MEGF10: variants seen among roughly 807,000 people sequenced by gnomAD.
The protein encoded by MEGF10 is multiple EGF like domains 10.
A neutral mutation model predicts 147.5 loss-of-function variants in MEGF10; 86 were observed. That is an observed-to-expected ratio of 0.58 (90% CI 0.49 to 0.70). The LOEUF (loss-of-function observed/expected upper bound fraction) is 0.70, where lower values mean the gene tolerates loss of function less well. MEGF10 is among the 30% of genes least tolerant of loss of function. The pLI, the probability that MEGF10 is intolerant of heterozygous loss-of-function variation, is 0.00. For synonymous variants in MEGF10, 478 were observed against 525.5 expected (o/e 0.91, Z 1.24); for missense variants, 1,329 against 1,487.3 (o/e 0.89, Z 1.75).
At chr5:127,252,827 G>A in the MEGF10 span, among the ~76,000 whole-genome samples, 7 of 151,882 alleles carry the variant, frequency 4.6e-5, no homozygotes, top group African/African-American at 1.7e-4. Flanking sequence ...AAGACCAGGA[G>A]GCAGGTTGTT....
chr5:127,363,911 A>G (rs1762564345), intron 4 of MEGF10, among the ~76,000 whole-genome samples: 1 of 152,146 alleles, frequency 6.6e-6, no homozygotes, highest in South Asian at 2.1e-4. Flanking sequence ...CCTTGACCCC[A>G]AGTAAAACGT....
Position 127,433,344 on chromosome 5 carries a change from C to T in MEGF10, c.1694-19C>T, listed in dbSNP as rs1210681765. Reference sequence around the variant, plus strand: ...CGCACTGCCTCTCACTCAGCCTTGCCCCATGTGCATTATTTCAGGTGTCCA... The same window carrying T: ...CGCACTGCCTCTCACTCAGCCTTGCTCCATGTGCATTATTTCAGGTGTCCA... On this transcript the variant is annotated intron_variant, in intron 13 of 24. Transcript: ENST00000503335. 1.9e-6 allele frequency: 3 copies of T among 1,614,170 alleles called. No homozygotes were observed. The highest frequency in any genetic ancestry group is 1.7e-6 in the Non-Finnish European group (2 of 1,180,034).
At chr5:127,336,861 T>C (rs1266487907) in intron 2 of MEGF10, among the ~76,000 whole-genome samples, 1 of 152,030 alleles carries the variant, frequency 6.6e-6, no homozygotes, top group African/African-American at 2.4e-5. Flanking sequence ...ATTTTGCTCA[T>C]AGGTGATGTA....
At chr5:127,298,312 G>GT (rs1759602243) in intron 1 of MEGF10, among the ~76,000 whole-genome samples, 1 of 152,070 alleles carries the variant, frequency 6.6e-6, no homozygotes, top group African/African-American at 2.4e-5. Flanking sequence ...AGCCCTCATC[G>GT]TTCTCACCTG....
intron 5 of MEGF10, among the ~76,000 whole-genome samples, chr5:127,392,900 G>A (rs1311271200): frequency 6.6e-6 from 1 of 152,150 alleles, no homozygotes. Context: ...CTCTCATTAA[G>A]CCATTCCATG....
At chr5:127,374,269 A>G (rs893650060) in intron 5 of MEGF10, among the ~76,000 whole-genome samples, 2 of 152,374 alleles carry the variant, frequency 1.3e-5, no homozygotes, top group East Asian at 3.9e-4. Flanking sequence ...CTCTGAGTGC[A>G]CTGGAAGTAG....
intron 2 of MEGF10, among the ~76,000 whole-genome samples, chr5:127,333,566 T>C (rs1224007980): frequency 6.6e-6 from 1 of 151,924 alleles, no homozygotes; most frequent in Non-Finnish European, 1.5e-5. Flanking sequence ...ATTTCAAGGC[T>C]TCAAATAATC....
chr5:127,276,789 A>G, the MEGF10 span, among the ~76,000 whole-genome samples: 4 of 152,210 alleles, frequency 2.6e-5, no homozygotes, highest in Non-Finnish European at 5.9e-5. Flanking sequence ...AACATAATGA[A>G]TAAGTAAATT....
At chr5:127,290,636 C>CG (rs1759203135), upstream of MEGF10, among the ~76,000 whole-genome samples, 1 of 152,190 alleles carries the variant, frequency 6.6e-6, no homozygotes, top group East Asian at 1.9e-4. Context: ...GCAGTCAGGC[C>CG]GGGAAGATCC....
the MEGF10 span, among the ~76,000 whole-genome samples, chr5:127,280,526 C>T: frequency 3.9e-5 from 6 of 152,220 alleles, no homozygotes; most frequent in Non-Finnish European, 7.3e-5. Context: ...GTGTTTCTCC[C>T]TGTCTGAAGT....
intron 4 of MEGF10, 87 bp from the exon 5 acceptor site, chr5:127,369,823 C>A: frequency 9.9e-7 from 1 of 1,015,174 alleles, no homozygotes; most frequent in Non-Finnish European, 1.5e-6. Context: ...TTAAGTGATA[C>A]TTGAGACTTG....
chr5:127,366,427 T>A (rs1247333036), intron 4 of MEGF10, among the ~76,000 whole-genome samples: 2 of 152,210 alleles, frequency 1.3e-5, no homozygotes, highest in African/African-American at 4.8e-5. Context: ...TTTGTGTTCT[T>A]TCCTTTTAGA....
chr5:127,443,051 A>T lies in MEGF10; in HGVS notation c.2416A>T (p.Asn806Tyr). 3 of 1,613,856 alleles carry T rather than the reference A, an allele frequency of 1.9e-6. No individual in the cohort carries two copies. Among genetic ancestry groups the T allele is most frequent in the Non-Finnish European group, 2.5e-6 (3 of 1,179,774 alleles). ...YGCRQICDCL[N>Y]NSTCDHITGT... is the part of the protein sequence containing the mutation. ...CTGTCGCCAGATATGTGATTGTCTG[A>T]ACAACTCCACCTGCGACCACATCAC... Residue 806 changes from asparagine to tyrosine, a missense_variant, in exon 19 of 25, where the codon AAC becomes TAC. Asn to Tyr is a moderately radical substitution (Grantham distance 143). This residue lies in a region of MEGF10 where 980 missense variants were observed against 1,085.9 expected (regional missense o/e 0.90). Coordinates refer to ENST00000503335, the MANE Select transcript of MEGF10 (RefSeq NM_001256545.2).
rs148168408 is a variant in MEGF10, at chr5:127,355,832, G to GATCA, written c.320-14077_320-14074dup. Among the ~76,000 whole-genome samples, 974 of 151,962 alleles carry GATCA rather than the reference G, an allele frequency of 6.4e-3. 12 individuals carry two copies. Among genetic ancestry groups the GATCA allele is most frequent in the African/African-American group, 0.023 (937 of 41,370 alleles). On this transcript the variant is annotated intron_variant, in intron 4 of 24. Coordinates refer to ENST00000503335, the MANE Select transcript of MEGF10 (RefSeq NM_001256545.2). The stretch of plus-strand genomic sequence containing the variant: ...GATAGCCTCAATCTAAACAGAAGGA[G>GATCA]ATCATATCTGCTGCCTATTTTTTTT...
At chr5:127,331,903 A>G (rs902939143) in intron 2 of MEGF10, among the ~76,000 whole-genome samples, 9 of 152,090 alleles carry the variant, frequency 5.9e-5, no homozygotes, top group Admixed American at 1.3e-4. Flanking sequence ...GCATAGAGGT[A>G]GTGTCCCCTG....
At chr5:127,255,266 G>A in the MEGF10 span, among the ~76,000 whole-genome samples, 4 of 152,228 alleles carry the variant, frequency 2.6e-5, no homozygotes, top group East Asian at 7.7e-4. Flanking sequence ...AGGGGCAATT[G>A]AGGAAGTCAC....
At chr5:127,271,827 T>C in the MEGF10 span, among the ~76,000 whole-genome samples, 14 of 152,206 alleles carry the variant, frequency 9.2e-5, no homozygotes, top group African/African-American at 3.4e-4. Context: ...TAAATCTCTT[T>C]CCTTTATTAA....
chr5:127,322,957 C>T (rs760771321), intron 1 of MEGF10, among the ~76,000 whole-genome samples: 4 of 151,938 alleles, frequency 2.6e-5, no homozygotes, highest in Non-Finnish European at 5.9e-5. Context: ...TGTGTGTATA[C>T]ACATACAATG....
At chr5:127,333,040 T>C (rs1761326625) in intron 2 of MEGF10, among the ~76,000 whole-genome samples, 1 of 152,076 alleles carries the variant, frequency 6.6e-6, no homozygotes, top group Non-Finnish European at 1.5e-5. Context: ...ATTGCGCATA[T>C]GGAAAAATAA....
Sources: gnomAD v4.1 joint callset for allele counts (sites outside exome capture counted in the v4.1 genomes callset) on GRCh38, gnomAD v4.1.1 for gene constraint, gnomAD v4.1.1 regional missense constraint, MANE v1.5 for transcripts, NCBI Gene and HGNC (gene_info 2026-07-23, HGNC 2026-07-21) for gene names.